GCSAML: variants seen among roughly 807,000 people sequenced by gnomAD.
The protein encoded by GCSAML is germinal center associated signaling and motility like, also known as germinal center-associated signaling and motility-like protein.
In GCSAML, 9 loss-of-function variants were observed where a neutral mutation model predicts 13.0. That is an observed-to-expected ratio of 0.69 (90% CI 0.42 to 1.21). The LOEUF is 1.21. Among genes scored for constraint, GCSAML ranks in the 50% most tolerant of loss-of-function variants. The pLI is 0.00. For missense variants in GCSAML, 143 were observed against 153.4 expected (o/e 0.93, Z 0.36); for synonymous variants, 37 against 52.9 (o/e 0.70, Z 1.31).
Position 247,575,509 on chromosome 1 carries a change from A to G in GCSAML, c.*1127A>G, listed in dbSNP as rs1558265704. On this transcript the variant is annotated 3_prime_UTR_variant, in exon 5 of 5. Coordinates refer to ENST00000366488, the MANE Select transcript of GCSAML (RefSeq NM_145278.5). ...CTTTGCTAACCTGACATTTACTTCA[A>G]TTTTTCTTTTTCTATGTACTGGATA... The G allele has an allele frequency of 6.6e-6, 1 of 152,096 alleles. No individual in the cohort carries two copies. The highest frequency in any genetic ancestry group is 1.5e-5 in the Non-Finnish European group (1 of 68,026). 9.4% of individuals were successfully genotyped at this position (152,096 alleles called of 1,614,324 possible).
chr1:247,555,606 A>G (rs1193257181), intron 1 of GCSAML, among the ~76,000 whole-genome samples: 2 of 152,210 alleles, frequency 1.3e-5, no homozygotes, highest in Non-Finnish European at 2.9e-5. Context: ...GCTTTCCCCG[A>G]ATACTGCTGG....
At chr1:247,559,580 G>C (rs999100037) in intron 2 of GCSAML, among the ~76,000 whole-genome samples, 3 of 152,118 alleles carry the variant, frequency 2.0e-5, no homozygotes, top group African/African-American at 7.2e-5. Flanking sequence ...GGGAGGTCCT[G>C]TTTCATTAGT....
intron 1 of GCSAML, among the ~76,000 whole-genome samples, chr1:247,514,070 T>A (rs1460917335): frequency 6.6e-6 from 1 of 151,634 alleles, no homozygotes; most frequent in Non-Finnish European, 1.5e-5. Flanking sequence ...AACTTCCACC[T>A]CCCAGGTTCA....
intron 4 of GCSAML, among the ~76,000 whole-genome samples, chr1:247,573,398 T>C (rs1668703966): frequency 6.6e-6 from 1 of 152,172 alleles, no homozygotes; most frequent in South Asian, 2.1e-4. Flanking sequence ...GATAGCACTG[T>C]CCCTCAAGGT....
In GCSAML at chr1:247,575,802, A is replaced by T. The variant is rs1263236345; in HGVS notation, c.*1420A>T. The T allele has an allele frequency of 6.6e-6, 1 of 152,208 alleles. No homozygotes were observed. The highest frequency in any genetic ancestry group is 1.5e-5 in the Non-Finnish European group (1 of 68,048). The allele number at this position is 152,208 out of a possible 1,614,324, so 9.4% of individuals were successfully genotyped here. A position where few individuals can be genotyped will look rare whatever the true frequency, so the allele number is the denominator to read the frequency against. On this transcript the variant is annotated 3_prime_UTR_variant, in exon 5 of 5. Coordinates refer to ENST00000366488, the MANE Select transcript of GCSAML (RefSeq NM_145278.5). ...GACTAGTTATCTCTACCGAAGGTGG[A>T]TGTGTAGTTTCTGGTTTTAAAATTC... is the stretch of plus-strand genomic sequence containing the variant.
chr1:247,546,210 GATGTGCAGTAGCTATTCACGGGCATGATC>G (rs890936625), upstream of GCSAML, among the ~76,000 whole-genome samples: 2 of 152,076 alleles, frequency 1.3e-5, no homozygotes, highest in Non-Finnish European at 2.9e-5. Context: ...TGCTCAGGCT[GATGTGCAGTAGCTATTCACGGGCATGATC>G]ATTGCACACT....
rs745446970 is a variant in GCSAML at position 247,574,128 on chromosome 1, C to G, written c.169-15C>G. The G allele has an allele frequency of 8.7e-6, 14 of 1,613,366 alleles. No individual in the cohort carries two copies. In the African/African-American group the frequency reaches 1.7e-4, roughly 20 times the overall value. ...ACCGTGGATCCTTGATTTCTTTTCT[C>G]TTTGTGCTTGGCAGGAAAACGAGAA... On this transcript the variant is annotated splice_polypyrimidine_tract_variant and intron_variant, in intron 4 of 4. Coordinates refer to ENST00000366488, the MANE Select transcript of GCSAML (RefSeq NM_145278.5).
At chr1:247,568,547 T>A (rs1031205815) in intron 4 of GCSAML, among the ~76,000 whole-genome samples, 1 of 152,218 alleles carries the variant, frequency 6.6e-6, no homozygotes, top group Non-Finnish European at 1.5e-5. Context: ...TCTGTTTTGG[T>A]AGCAGTACCA....
chr1:247,531,752 C>G (rs202039549), intron 2 of GCSAML: 3 of 1,613,988 alleles, frequency 1.9e-6, no homozygotes, highest in East Asian at 2.2e-5. Context: ...ATGATGCTCC[C>G]GTAAAACAGA....
intron 1 of GCSAML, among the ~76,000 whole-genome samples, chr1:247,522,263 CCACCCGGCTAGCCGCCCT>C (rs1257055395): frequency 3.3e-5 from 4 of 121,124 alleles, no homozygotes; most frequent in African/African-American, 9.3e-5. Flanking sequence ...GGGGCAGCCC[CCACCCGGCTAGCCGCCCT>C]GTCCGGGAGG....
At chr1:247,549,959 A>G (rs1051737769) in intron 1 of GCSAML, among the ~76,000 whole-genome samples, 2 of 152,190 alleles carry the variant, frequency 1.3e-5, no homozygotes, top group Non-Finnish European at 2.9e-5. Flanking sequence ...ACGTGACTAC[A>G]TTGATAGACC....
At chr1:247,570,189 T>C (rs1479866770) in intron 4 of GCSAML, among the ~76,000 whole-genome samples, 1 of 152,184 alleles carries the variant, frequency 6.6e-6, no homozygotes, top group Non-Finnish European at 1.5e-5. Flanking sequence ...TGAAGGGTTT[T>C]TCATGTCTCT....
At chr1:247,535,938 G>A (rs73148465) in intron 2 of GCSAML, among the ~76,000 whole-genome samples, 8,139 of 152,240 alleles carry the variant, frequency 0.053, 692 homozygotes, top group African/African-American at 0.18. Context: ...TTAAGGAAAC[G>A]TCTTGAGTTC....
chr1:247,565,243 A>T (rs1415907858), intron 3 of GCSAML, among the ~76,000 whole-genome samples: 1 of 152,116 alleles, frequency 6.6e-6, no homozygotes, highest in Non-Finnish European at 1.5e-5. Context: ...CTGTAGTCCC[A>T]GCTACTTGGG....
At chr1:247,543,095 G>T (rs1428378544) in intron 2 of GCSAML, among the ~76,000 whole-genome samples, 1 of 152,202 alleles carries the variant, frequency 6.6e-6, no homozygotes, top group Non-Finnish European at 1.5e-5. Context: ...CAGTCTCAGG[G>T]CTAGAATCAG....
intron 1 of GCSAML, among the ~76,000 whole-genome samples, chr1:247,512,357 T>A (rs888684097): frequency 2.6e-5 from 4 of 152,000 alleles, no homozygotes; most frequent in African/African-American, 9.7e-5. Context: ...TTCAGCTCCA[T>A]CAGGTCATTT....
intron 1 of GCSAML, among the ~76,000 whole-genome samples, chr1:247,510,505 T>G (rs1665996955): frequency 6.6e-6 from 1 of 152,188 alleles, no homozygotes; most frequent in Admixed American, 6.5e-5. Flanking sequence ...TCTATCTCCT[T>G]TAGTTCTGCT....
At position 247,526,151 on chromosome 1, in the gene GCSAML, T is replaced by A. The variant is rs1342129042; in HGVS notation, c.-262-789T>A. Reference sequence around the variant, plus strand: ...GCATGTGTTGAGATGAGAAAATATCTGTGATCTATTAAGTGAATTTATTTG... The same window carrying A: ...GCATGTGTTGAGATGAGAAAATATCAGTGATCTATTAAGTGAATTTATTTG... On this transcript the variant is annotated intron_variant, in intron 1 of 5. Transcript: ENST00000366489. The surrounding 1 kb of genome is among the most constrained non-coding windows in gnomAD (Gnocchi z 4.8). The A allele has an allele frequency of 1.3e-5, 2 of 152,228 alleles. No homozygotes were observed. The highest frequency in any genetic ancestry group is 2.9e-5 in the Non-Finnish European group (2 of 68,048). The allele number at this position is 152,228 out of a possible 1,614,324, so 9.4% of individuals were successfully genotyped here.
intron 2 of GCSAML, chr1:247,538,835 G>A (rs1667311772): frequency 2.2e-6 from 1 of 447,992 alleles, no homozygotes; most frequent in Non-Finnish European, 4.5e-6. Flanking sequence ...CCAGTTTGTG[G>A]TGTTTTGTTA....
Sources: gnomAD v4.1 joint callset for allele counts (sites outside exome capture counted in the v4.1 genomes callset) on GRCh38, gnomAD v4.1.1 for gene constraint, Gnocchi (gnomAD v3.1) non-coding constraint, MANE v1.5 for transcripts, NCBI Gene and HGNC (gene_info 2026-07-23, HGNC 2026-07-21) for gene names.